The following CACNB2 variants were observed in gnomAD, a reference collection of about 807,000 sequenced individuals.
The protein encoded by CACNB2 is voltage-dependent L-type calcium channel subunit beta-2.
Under a neutral mutation model 73.3 loss-of-function variants are expected in CACNB2, and 42 were observed. The ratio of observed to expected loss-of-function variants is 0.57; its 90% confidence interval spans 0.45 to 0.74. The LOEUF (loss-of-function observed/expected upper bound fraction) is 0.74. Ranked by LOEUF, CACNB2 falls within the 30% of genes least tolerant of loss-of-function variation. CACNB2 has a pLI of 0.00. For synonymous variants in CACNB2, 348 were observed against 310.3 expected (o/e 1.12, Z -1.28); for missense variants, 940 against 853.0 (o/e 1.10, Z -1.27).
chr10:18,506,023 T>G (rs2133071377), intron 5 of CACNB2, among the ~76,000 whole-genome samples: 1 of 152,282 alleles, frequency 6.6e-6, no homozygotes, highest in East Asian at 1.9e-4. Flanking sequence ...AAAGCGTGAG[T>G]GCTTTCAATC....
chr10:18,418,559 C>T (rs1004104939), intron 3 of CACNB2, among the ~76,000 whole-genome samples: 21 of 152,170 alleles, frequency 1.4e-4, no homozygotes, highest in African/African-American at 4.8e-4. Context: ...AAGTATGTGC[C>T]TGTAACAGTA....
At chr10:18,431,261 G>A (rs1040753962) in intron 3 of CACNB2, among the ~76,000 whole-genome samples, 50 of 152,116 alleles carry the variant, frequency 3.3e-4, no homozygotes, top group Admixed American at 3.0e-3. Context: ...GATTTTAGGC[G>A]TGAACCACCA....
At chr10:18,198,923 G>A (rs760006636) in intron 2 of CACNB2, among the ~76,000 whole-genome samples, 4 of 152,090 alleles carry the variant, frequency 2.6e-5, no homozygotes, top group African/African-American at 4.8e-5. Context: ...CATTAATATA[G>A]CATGGCATTC....
At chr10:18,269,964 C>A (rs1245583436) in intron 2 of CACNB2, among the ~76,000 whole-genome samples, 1 of 152,178 alleles carries the variant, frequency 6.6e-6, no homozygotes, top group African/African-American at 2.4e-5. Flanking sequence ...CACCTATCTC[C>A]ATCCTAGTGC....
chr10:18,319,680 A>G (rs2040327112), intron 2 of CACNB2, among the ~76,000 whole-genome samples: 1 of 152,206 alleles, frequency 6.6e-6, no homozygotes, highest in African/African-American at 2.4e-5. Flanking sequence ...TTTTTGAAAA[A>G]GAATATTTTG....
chr10:18,269,938 T>C (rs1411929), intron 2 of CACNB2, among the ~76,000 whole-genome samples: 50,725 of 152,170 alleles, frequency 0.33, 9,495 homozygotes, highest in African/African-American at 0.49. Flanking sequence ...AGCTCTGGAA[T>C]CTTTTCTTTC....
intron 2 of CACNB2, among the ~76,000 whole-genome samples, chr10:18,339,296 A>G (rs1015967511): frequency 2.0e-5 from 3 of 152,080 alleles, no homozygotes; most frequent in African/African-American, 7.2e-5. Context: ...CAAGGCAGGC[A>G]GATCGCTTGA....
At chr10:18,387,508 A>G (rs1360395528) in intron 2 of CACNB2, among the ~76,000 whole-genome samples, 1 of 152,138 alleles carries the variant, frequency 6.6e-6, no homozygotes, top group Admixed American at 6.6e-5. Context: ...ATTCTACTGT[A>G]TATATGTGTT....
At chr10:18,377,430 C>A (rs2042845505) in intron 2 of CACNB2, among the ~76,000 whole-genome samples, 1 of 152,162 alleles carries the variant, frequency 6.6e-6, no homozygotes, top group Non-Finnish European at 1.5e-5. Context: ...ATATATTTGG[C>A]TTTGAGGCCA....
At position 18,540,298 on chromosome 10, in the gene CACNB2, A is replaced by AT. The variant is rs1358123561; in HGVS notation, c.*577dup. On this transcript the variant is annotated 3_prime_UTR_variant, in exon 14 of 14. Coordinates refer to ENST00000324631, the MANE Select transcript of CACNB2 (RefSeq NM_201596.3). ...ACTGTATAGACAGTTTGTAAATGTT[A>AT]TTTCTGCAAACAAACACCTTCTTAT... 6.9e-6 allele frequency: 1 copy of AT among 144,994 alleles called. No individual in the cohort carries two copies. The highest frequency in any genetic ancestry group is 7.2e-5 in the Admixed American group (1 of 13,962). 9.0% of individuals were successfully genotyped at this position (144,994 alleles called of 1,614,324 possible).
intron 3 of CACNB2, among the ~76,000 whole-genome samples, chr10:18,454,719 G>A (rs1352588959): frequency 6.6e-6 from 1 of 152,200 alleles, no homozygotes; most frequent in Non-Finnish European, 1.5e-5. Context: ...TTCCAATGGA[G>A]GAGACAGATG....
At chr10:18,385,920 G>A (rs992295476) in intron 2 of CACNB2, among the ~76,000 whole-genome samples, 2 of 152,038 alleles carry the variant, frequency 1.3e-5, no homozygotes, top group Non-Finnish European at 2.9e-5. Flanking sequence ...ATCACAAATA[G>A]TGCCATAACA....
At chr10:18,503,737 A>G (rs2050336198) in intron 5 of CACNB2, among the ~76,000 whole-genome samples, 1 of 152,226 alleles carries the variant, frequency 6.6e-6, no homozygotes, top group African/African-American at 2.4e-5. Context: ...AGGACAATTC[A>G]GCATTTTTCA....
intron 3 of CACNB2, among the ~76,000 whole-genome samples, chr10:18,480,382 G>T (rs929022758): frequency 6.6e-6 from 1 of 152,036 alleles, no homozygotes; most frequent in Non-Finnish European, 1.5e-5. Context: ...CAAGCCCGTT[G>T]GTTTAATAGT....
intron 2 of CACNB2, among the ~76,000 whole-genome samples, chr10:18,368,371 G>C (rs2042441174): frequency 1.3e-5 from 2 of 152,164 alleles, no homozygotes; most frequent in Admixed American, 1.3e-4. Flanking sequence ...CCCAGGAACT[G>C]AAAGTGATTG....
intron 3 of CACNB2, among the ~76,000 whole-genome samples, chr10:18,445,598 CG>C (rs1564557581): frequency 2.6e-5 from 4 of 151,982 alleles, no homozygotes; most frequent in Non-Finnish European, 5.9e-5. Context: ...TAAATATGAA[CG>C]AGAGAGACCG....
At chr10:18,517,050 A>G (rs755413243) in intron 7 of CACNB2, among the ~76,000 whole-genome samples, 59 of 152,338 alleles carry the variant, frequency 3.9e-4, no homozygotes, top group Non-Finnish European at 6.2e-4. Context: ...GAAGCCAGAA[A>G]AGTTTGTAAT....
chr10:18,373,617 T>G (rs1589169300), intron 2 of CACNB2, among the ~76,000 whole-genome samples: 1 of 152,348 alleles, frequency 6.6e-6, no homozygotes, highest in East Asian at 1.9e-4. Context: ...GCCTCTTCAT[T>G]GCTTTACTCT....
chr10:18,416,266 G>A (rs2132673510), intron 3 of CACNB2, among the ~76,000 whole-genome samples: 1 of 152,258 alleles, frequency 6.6e-6, no homozygotes, highest in South Asian at 2.1e-4. Flanking sequence ...ATTCATCTAT[G>A]TTGTCCCATG....
Sources: allele counts gnomAD v4.1 joint callset (sites outside exome capture counted in the v4.1 genomes callset), GRCh38; gene constraint gnomAD v4.1.1; transcripts MANE v1.5; gene names NCBI Gene and HGNC (gene_info 2026-07-23, HGNC 2026-07-21).